Variants in SPIDR observed in about 807,000 individuals in gnomAD.
The protein encoded by SPIDR is scaffold protein involved in DNA repair.
In SPIDR, 93 loss-of-function variants were observed where a neutral mutation model predicts 104.6. The ratio of observed to expected loss-of-function variants is 0.89; its 90% CI spans 0.75 to 1.06. SPIDR has a LOEUF of 1.06. Ranked by LOEUF, SPIDR falls within the 50% of genes least tolerant of loss-of-function variation. The probability of loss-of-function intolerance (pLI) is 0.00; values close to 1 mark genes in which losing one functional copy is unlikely to be tolerated. For missense variants in SPIDR, 1,154 were observed against 1,111.2 expected (o/e 1.04, Z -0.55); for synonymous variants, 431 against 416.9 (o/e 1.03, Z -0.41).
intron 9 of SPIDR, among the ~76,000 whole-genome samples, chr8:47,598,385 T>C (rs1253860060): frequency 2.0e-5 from 3 of 152,188 alleles, no homozygotes; most frequent in Non-Finnish European, 4.4e-5. Context: ...AGGGTAAGCA[T>C]GTTTAATATG....
intron 7 of SPIDR, among the ~76,000 whole-genome samples, chr8:47,430,128 C>T (rs1245244467): frequency 1.3e-5 from 2 of 152,138 alleles, no homozygotes; most frequent in African/African-American, 4.8e-5. Flanking sequence ...GCTCCCTGGT[C>T]TTCTGCACAC....
intron 5 of SPIDR, among the ~76,000 whole-genome samples, chr8:47,341,183 C>A (rs960336783): frequency 4.6e-5 from 7 of 152,188 alleles, no homozygotes; most frequent in Non-Finnish European, 1.0e-4. Context: ...GCAGTACACT[C>A]AGTTGGCATT....
chr8:47,673,373 C>T (rs1378239658), intron 10 of SPIDR: 1 of 456,150 alleles, frequency 2.2e-6, no homozygotes, highest in South Asian at 1.6e-5. Context: ...TGCAGCTTTT[C>T]TCAGTATCGA....
At chr8:47,735,248 G>C (rs1055439583) in intron 19 of SPIDR, 59 bp from the exon 20 acceptor site, 16 of 1,558,196 alleles carry the variant, frequency 1.0e-5, no homozygotes, top group Non-Finnish European at 1.3e-5. Flanking sequence ...TTTCCGTGTT[G>C]TTGGGAACAG....
chr8:47,695,816 TA>T (rs2079251663), intron 11 of SPIDR, among the ~76,000 whole-genome samples: 1 of 152,072 alleles, frequency 6.6e-6, no homozygotes, highest in African/African-American at 2.4e-5. Flanking sequence ...CCAGAGGAGG[TA>T]GATCATTTGC....
At chr8:47,548,771 T>G (rs1390054624) in intron 8 of SPIDR, among the ~76,000 whole-genome samples, 1 of 152,220 alleles carries the variant, frequency 6.6e-6, no homozygotes, top group Non-Finnish European at 1.5e-5. Flanking sequence ...TTGTGTTTAT[T>G]TATTTATTTT....
intron 8 of SPIDR, among the ~76,000 whole-genome samples, chr8:47,444,523 T>C (rs1554699970): frequency 1.3e-5 from 2 of 152,268 alleles, no homozygotes; most frequent in African/African-American, 4.8e-5. Flanking sequence ...GTCATCTTTT[T>C]AGTCACTACT....
intron 16 of SPIDR, among the ~76,000 whole-genome samples, chr8:47,719,425 C>A (rs2083061637): frequency 6.6e-6 from 1 of 152,042 alleles, no homozygotes; most frequent in Non-Finnish European, 1.5e-5. Context: ...AGGAGAATGG[C>A]GTGAACCTGG....
intron 7 of SPIDR, among the ~76,000 whole-genome samples, chr8:47,428,193 G>C (rs893212061): frequency 5.3e-5 from 8 of 152,196 alleles, no homozygotes; most frequent in African/African-American, 1.7e-4. Context: ...CAAAGTGCTG[G>C]GATTATAGGC....
chr8:47,285,960 A>G (rs1321372224), intron 3 of SPIDR, among the ~76,000 whole-genome samples: 1 of 152,154 alleles, frequency 6.6e-6, no homozygotes, highest in East Asian at 1.9e-4. Context: ...GATATCAAGG[A>G]CACCCTCTTT....
intron 5 of SPIDR, among the ~76,000 whole-genome samples, chr8:47,328,708 A>G (rs566872247): frequency 6.6e-6 from 1 of 152,232 alleles, no homozygotes; most frequent in South Asian, 2.1e-4. Context: ...TTTATCCTGC[A>G]TGACAGTCTC....
chr8:47,546,530 T>C (rs573023553), intron 8 of SPIDR, among the ~76,000 whole-genome samples: 1 of 152,276 alleles, frequency 6.6e-6, no homozygotes, highest in African/African-American at 2.4e-5. Flanking sequence ...TTGTCAATCT[T>C]ACTGATCTTA....
At chr8:47,373,134 T>C (rs543727232) in intron 5 of SPIDR, among the ~76,000 whole-genome samples, 45 of 152,326 alleles carry the variant, frequency 3.0e-4, no homozygotes, top group African/African-American at 1.1e-3. Flanking sequence ...TATAAAATTA[T>C]TAAAAATCTT....
intron 6 of SPIDR, among the ~76,000 whole-genome samples, chr8:47,398,885 GGA>G (rs1554660368): frequency 6.6e-6 from 1 of 152,136 alleles, no homozygotes; most frequent in African/African-American, 2.4e-5. Flanking sequence ...AGGCAAGTGA[GGA>G]GAGAGGGTGA....
At chr8:47,529,632 A>C (rs1439660126) in intron 8 of SPIDR, among the ~76,000 whole-genome samples, 4 of 152,150 alleles carry the variant, frequency 2.6e-5, no homozygotes, top group African/African-American at 9.7e-5. Context: ...ATAGATCAGA[A>C]ATTGAGATAT....
At chr8:47,362,357 CTAA>C (rs2056185641) in intron 5 of SPIDR, among the ~76,000 whole-genome samples, 1 of 152,192 alleles carries the variant, frequency 6.6e-6, no homozygotes, top group South Asian at 2.1e-4. Context: ...GGAGTCAGGA[CTAA>C]TGAGTCCTCC....
At chr8:47,326,941 G>A (rs1242476121) in intron 5 of SPIDR, among the ~76,000 whole-genome samples, 5 of 152,154 alleles carry the variant, frequency 3.3e-5, no homozygotes, top group African/African-American at 1.2e-4. Context: ...CCTGTTTTCA[G>A]TTCTCTTGGA....
chr8:47,522,021 A>T (rs2084200534), intron 8 of SPIDR, among the ~76,000 whole-genome samples: 1 of 151,698 alleles, frequency 6.6e-6, no homozygotes, highest in South Asian at 2.1e-4. Flanking sequence ...AAAATTAGCC[A>T]TGCATGGTGG....
At chr8:47,636,126 C>A (rs1177795976) in intron 10 of SPIDR, among the ~76,000 whole-genome samples, 1 of 152,192 alleles carries the variant, frequency 6.6e-6, no homozygotes, top group Non-Finnish European at 1.5e-5. Context: ...GTCTCTATCA[C>A]ATTTTGGCAA....
Sources: allele counts gnomAD v4.1 joint callset (sites outside exome capture counted in the v4.1 genomes callset), GRCh38; gene constraint gnomAD v4.1.1; transcripts MANE v1.5; gene names NCBI Gene and HGNC (gene_info 2026-07-23, HGNC 2026-07-21).